Variants in SPRED2 observed in about 807,000 individuals in gnomAD.
SPRED2 encodes sprouty-related, EVH1 domain-containing protein 2.
SPRED2 carries 47 observed loss-of-function variants against 43.0 expected under a neutral mutation model. The observed-to-expected ratio is 1.09, with a 90% CI of 0.87 to 1.40. The LOEUF (loss-of-function observed/expected upper bound fraction) is 1.40. Among genes scored for constraint, SPRED2 ranks in the 40% most tolerant of loss-of-function variants. The pLI, the probability that SPRED2 is intolerant of heterozygous loss-of-function variation, is 0.00. For synonymous variants in SPRED2, 225 were observed against 225.7 expected, an observed-to-expected ratio of 1.00 and a Z score of 0.03; for missense variants, 561 against 586.4, an observed-to-expected ratio of 0.96 and a Z score of 0.45.
chr2:65,322,575 G>A (rs369780849), intron 4 of SPRED2, among the ~76,000 whole-genome samples: 2 of 152,012 alleles, frequency 1.3e-5, no homozygotes, highest in African/African-American at 4.8e-5. Context: ...TTACAGGCGT[G>A]AGCCACCGTG....
At chr2:65,350,649 A>G (rs1446563377) in intron 1 of SPRED2, among the ~76,000 whole-genome samples, 1 of 152,250 alleles carries the variant, frequency 6.6e-6, no homozygotes, top group Non-Finnish European at 1.5e-5. Context: ...ATCACGCAAT[A>G]TGCAAAAGAG....
chr2:65,323,762 G>C (rs554439367), intron 4 of SPRED2, among the ~76,000 whole-genome samples: 126 of 152,136 alleles, frequency 8.3e-4, no homozygotes, highest in African/African-American at 2.7e-3. Context: ...TGTAGTCCCA[G>C]CTACTCGGGA....
intron 4 of SPRED2, among the ~76,000 whole-genome samples, chr2:65,324,846 T>A (rs533584978): frequency 6.6e-6 from 1 of 152,296 alleles, no homozygotes; most frequent in African/African-American, 2.4e-5. Context: ...GCCGGACAGA[T>A]TTCAACGTTC....
chr2:65,408,767 G>C (rs1229699676), intron 1 of SPRED2, among the ~76,000 whole-genome samples: 1 of 152,096 alleles, frequency 6.6e-6, no homozygotes, highest in Non-Finnish European at 1.5e-5. Context: ...TTTTAGTAGA[G>C]ATGGGGTTCC....
intron 1 of SPRED2, among the ~76,000 whole-genome samples, chr2:65,370,266 G>T (rs10188658): frequency 1.3e-5 from 2 of 152,020 alleles, no homozygotes; most frequent in Non-Finnish European, 2.9e-5. Flanking sequence ...GCGACCATTC[G>T]CAACAAGTAC....
chr2:65,384,974 TC>T (rs1331538119), intron 1 of SPRED2, among the ~76,000 whole-genome samples: 4 of 127,650 alleles, frequency 3.1e-5, no homozygotes, highest in Admixed American at 9.0e-5. Context: ...TTCCACTTCT[TC>T]TTTTTTTTTT....
rs1673087731 is a variant in SPRED2 at position 65,312,153 on chromosome 2, A to G, written c.*1348T>C. On this transcript the variant is annotated 3_prime_UTR_variant, in exon 6 of 6. Coordinates refer to ENST00000356388, the MANE Select transcript of SPRED2 (RefSeq NM_181784.3). The stretch of plus-strand genomic sequence containing the variant: ...ATTAGAAAAATACTCTTTTCCAGCT[A>G]ATTAGAAGCCTCCTCCGTGGCAAGG... 1 of 985,596 alleles carries G rather than the reference A, an allele frequency of 1.0e-6. No homozygotes were observed. The highest frequency in any genetic ancestry group is 4.7e-5 in the South Asian group (1 of 21,280). 61.1% of individuals were successfully genotyped at this position (985,596 alleles called of 1,614,324 possible). A position where few individuals can be genotyped will look rare whatever the true frequency, so the allele number is the denominator to read the frequency against.
chr2:65,407,674 G>T (rs1676057977), intron 1 of SPRED2, among the ~76,000 whole-genome samples: 1 of 152,144 alleles, frequency 6.6e-6, no homozygotes, highest in African/African-American at 2.4e-5. Context: ...ACTCTCCTCA[G>T]CTGGATCACT....
At chr2:65,430,869 A>C (rs1008209983) in intron 1 of SPRED2, among the ~76,000 whole-genome samples, 3 of 151,740 alleles carry the variant, frequency 2.0e-5, no homozygotes, top group South Asian at 2.1e-4. Flanking sequence ...TTATTCACAA[A>C]AAAAAAAAAG....
chr2:65,376,423 A>G (rs1258580959), intron 1 of SPRED2, among the ~76,000 whole-genome samples: 1 of 152,150 alleles, frequency 6.6e-6, no homozygotes, highest in African/African-American at 2.4e-5. Flanking sequence ...TATCTGTACA[A>G]TGTAAAGATA....
At chr2:65,331,134 G>A (rs1358086025) in intron 4 of SPRED2, among the ~76,000 whole-genome samples, 1 of 152,186 alleles carries the variant, frequency 6.6e-6, no homozygotes, top group Non-Finnish European at 1.5e-5. Flanking sequence ...CAGGCTGGGC[G>A]TGGTGGCTAA....
At chr2:65,422,104 A>ACACACACACACACTCTCT (rs1299857849) in intron 1 of SPRED2, among the ~76,000 whole-genome samples, 59 of 129,024 alleles carry the variant, frequency 4.6e-4, no homozygotes, top group Non-Finnish European at 4.6e-4. Context: ...ACACACACAC[A>ACACACACACACACTCTCT]CTCTCTCTCT....
rs1177368533 is a variant in SPRED2, at chr2:65,313,249, A to C, written c.*252T>G. 7.8e-7 allele frequency: 1 copy of C among 1,284,298 alleles called. No homozygotes were observed. Among genetic ancestry groups the C allele is most frequent in the Non-Finnish European group, 9.8e-7 (1 of 1,017,170 alleles). 79.6% of individuals were successfully genotyped at this position (1,284,298 alleles called of 1,614,324 possible). On this transcript the variant is annotated 3_prime_UTR_variant, in exon 6 of 6. Transcript: ENST00000356388. ...TTAATAGTACAGGAGTCTGTGGCGAAGGTTCCTTCCTCAGAACACTGTGCG... is the reference window on the plus strand; with the variant it reads ...TTAATAGTACAGGAGTCTGTGGCGACGGTTCCTTCCTCAGAACACTGTGCG...
At chr2:65,349,872 C>T (rs1222361514) in intron 1 of SPRED2, among the ~76,000 whole-genome samples, 1 of 152,208 alleles carries the variant, frequency 6.6e-6, no homozygotes, top group African/African-American at 2.4e-5. Flanking sequence ...GAAGGGGAGG[C>T]TCAGGGGCAG....
intron 1 of SPRED2, among the ~76,000 whole-genome samples, chr2:65,402,381 C>T (rs1305609706): frequency 6.6e-6 from 1 of 151,444 alleles, no homozygotes; most frequent in African/African-American, 2.4e-5. Flanking sequence ...TCAGGAAAGG[C>T]CGGGTAAGCG....
At chr2:65,408,718 C>A (rs901231436) in intron 1 of SPRED2, among the ~76,000 whole-genome samples, 14 of 151,902 alleles carry the variant, frequency 9.2e-5, no homozygotes, top group African/African-American at 3.4e-4. Flanking sequence ...GTAGCTGGGA[C>A]AATAGTCACG....
chr2:65,356,526 CCAG>C (rs78217887), intron 1 of SPRED2, among the ~76,000 whole-genome samples: 6,681 of 57,270 alleles, frequency 0.12, 329 homozygotes, highest in Non-Finnish European at 0.16. Flanking sequence ...GTGCAGTTCC[CCAG>C]TTCCCTCTTT....
intron 1 of SPRED2, among the ~76,000 whole-genome samples, chr2:65,389,926 A>T (rs1675591883): frequency 6.6e-6 from 1 of 152,258 alleles, no homozygotes; most frequent in Admixed American, 6.5e-5. Flanking sequence ...AAAACAGGTA[A>T]GCAAAAACAA....
rs140044019 is a variant in SPRED2, at chr2:65,313,866, G to A, written c.892C>T (p.Arg298Trp). The change falls in exon 6 of 6, where the codon CGG (arginine) becomes TGG (tryptophan). Residue 298 changes from arginine to tryptophan, a missense_variant. Physicochemically the swap from Arg to Trp is moderately radical, Grantham distance 101. Coordinates refer to ENST00000356388, the MANE Select transcript of SPRED2 (RefSeq NM_181784.3). ...IKTQPSRGKS[R>W]RRKEDGERSR... ...CGCTCTCCGTCCTCCTTCCGCCGCC[G>A]CGACTTGCCCCGGGAGGGCTGCGTC... is the stretch of plus-strand genomic sequence containing the variant. 1.7e-4 allele frequency: 278 copies of A among 1,610,598 alleles called. No individual in the cohort carries two copies. The highest frequency in any genetic ancestry group is 2.3e-4 in the Non-Finnish European group (266 of 1,179,842).
Sources: gnomAD v4.1 joint callset for allele counts (sites outside exome capture counted in the v4.1 genomes callset) on GRCh38, gnomAD v4.1.1 for gene constraint, MANE v1.5 for transcripts, NCBI Gene and HGNC (gene_info 2026-07-23, HGNC 2026-07-21) for gene names.